The following ALMS1 variants were observed in gnomAD, a reference collection of about 807,000 sequenced individuals.
ALMS1 encodes centrosome-associated protein ALMS1.
A neutral mutation model predicts 352.2 loss-of-function variants in ALMS1; 271 were observed. The ratio of observed to expected loss-of-function variants is 0.77; its 90% CI spans 0.70 to 0.85. ALMS1 has a LOEUF of 0.85. Ranked by LOEUF, ALMS1 falls within the 40% of genes least tolerant of loss-of-function variation. ALMS1 has a pLI of 0.00. For missense variants in ALMS1, 5,445 were observed against 4,870.7 expected, an observed-to-expected ratio of 1.12 and a Z score of -3.51; for synonymous variants, 1,865 against 1,761.2, an observed-to-expected ratio of 1.06 and a Z score of -1.48.
At chr2:73,591,819 G>A (rs1675439304) in intron 16 of ALMS1, among the ~76,000 whole-genome samples, 1 of 152,166 alleles carries the variant, frequency 6.6e-6, no homozygotes. Flanking sequence ...GTTTTTCAAA[G>A]CTGATAGAAA....
At position 73,573,128 on chromosome 2, in the gene ALMS1, A is replaced by G. The variant is rs770422803; in HGVS notation, c.11251A>G (p.Thr3751Ala). 3 of 1,614,028 alleles carry G rather than the reference A, an allele frequency of 1.9e-6. No homozygotes were observed. Among genetic ancestry groups the G allele is most frequent in the Middle Eastern group, 3.3e-4 (2 of 6,062 alleles). The change falls in exon 16 of 23, where the codon ACC (threonine) becomes GCC (alanine). Residue 3751 changes from threonine to alanine, a missense_variant. Thr to Ala is a moderately conservative substitution (Grantham distance 58). Transcript: ENST00000613296. ...GAGTGAGCTGCTCACAGATACTACC[A>G]CCAACATCCTTTCCGGCACCACTTC... ...EESELLTDTT[T>A]NILSGTTSTV...
intron 15 of ALMS1, among the ~76,000 whole-genome samples, chr2:73,569,142 G>C (rs1674868519): frequency 6.6e-6 from 1 of 150,842 alleles, no homozygotes; most frequent in African/African-American, 2.4e-5. Context: ...AGCCACCACA[G>C]TAGCTGGGAT....
intron 16 of ALMS1, among the ~76,000 whole-genome samples, chr2:73,576,132 G>T (rs558558246): frequency 6.6e-6 from 1 of 152,078 alleles, no homozygotes; most frequent in African/African-American, 2.4e-5. Flanking sequence ...AGCCATATAC[G>T]TGAGGGTTTT....
chr2:73,388,910 C>T (rs1441317494), intron 1 of ALMS1, among the ~76,000 whole-genome samples: 4 of 152,068 alleles, frequency 2.6e-5, no homozygotes, highest in African/African-American at 9.7e-5. Flanking sequence ...GTGTGCCTGG[C>T]TCAGATGTCT....
intron 1 of ALMS1, among the ~76,000 whole-genome samples, chr2:73,400,881 G>A (rs933631222): frequency 6.6e-6 from 1 of 152,062 alleles, no homozygotes; most frequent in African/African-American, 2.4e-5. Context: ...CTGCCTCCTG[G>A]GTTCAAGCGA....
At chr2:73,536,265 T>C (rs1426823544) in intron 12 of ALMS1, among the ~76,000 whole-genome samples, 1 of 152,192 alleles carries the variant, frequency 6.6e-6, no homozygotes, top group Non-Finnish European at 1.5e-5. Flanking sequence ...GTGCCAGTAC[T>C]TTCTGAGGCC....
At chr2:73,445,063 A>C (rs1245738178) in intron 7 of ALMS1, among the ~76,000 whole-genome samples, 5 of 152,058 alleles carry the variant, frequency 3.3e-5, no homozygotes, top group Admixed American at 3.3e-4. Flanking sequence ...TACACACAAT[A>C]GGTGCTTTTG....
chr2:73,482,127 G>T (rs2103868203), intron 9 of ALMS1, among the ~76,000 whole-genome samples: 1 of 152,320 alleles, frequency 6.6e-6, no homozygotes, highest in South Asian at 2.1e-4. Context: ...GAATAGGAGT[G>T]GTGAGAGAGG....
chr2:73,427,864 T>C (rs1037834369), intron 6 of ALMS1, among the ~76,000 whole-genome samples: 3 of 152,212 alleles, frequency 2.0e-5, no homozygotes, highest in African/African-American at 7.2e-5. Context: ...TACAGTTAGA[T>C]AAAATAGTGA....
Position 73,451,940 on chromosome 2 carries a change from T to C in ALMS1, c.5413T>C (p.Ser1805Pro). 2 of 1,614,070 alleles carry C rather than the reference T, an allele frequency of 1.2e-6. No homozygotes were observed. Among genetic ancestry groups the C allele is most frequent in the Non-Finnish European group, 1.7e-6 (2 of 1,179,990 alleles). Residue 1805 changes from serine to proline, a missense_variant, in exon 8 of 23, where the codon TCC becomes CCC. Coordinates refer to ENST00000613296, the MANE Select transcript of ALMS1 (RefSeq NM_001378454.1). ...TGGGGTATCAACAGTAACCTCTACT[T>C]CCTACTCACACAGAGAGAAGCCCAT... is the stretch of plus-strand genomic sequence containing the variant. Reference protein sequence around the residue: ...KTGVSTVTSTSYSHREKPIVS... With the variant: ...KTGVSTVTSTPYSHREKPIVS...
intron 16 of ALMS1, among the ~76,000 whole-genome samples, chr2:73,586,173 G>T (rs1675307504): frequency 2.0e-5 from 3 of 152,192 alleles, no homozygotes. Context: ...CTGCATATTA[G>T]TCCGTTGTCG....
intron 16 of ALMS1, among the ~76,000 whole-genome samples, chr2:73,599,080 G>T (rs546777084): frequency 6.6e-6 from 1 of 152,120 alleles, no homozygotes; most frequent in Non-Finnish European, 1.5e-5. Context: ...ATTATGTGCA[G>T]GTGTCACTTC....
Position 73,561,578 on chromosome 2 carries a change from G to C in ALMS1, c.10384+2436G>C, listed in dbSNP as rs1281132064. Among the ~76,000 whole-genome samples, 3 of 151,674 alleles carry C rather than the reference G, an allele frequency of 2.0e-5. No homozygotes were observed. The East Asian group carries it at 5.8e-4, about 29-fold the overall frequency. ...ATAGTGATTGCCCAGGCTTGTGAGA[G>C]GGTGGACAGAGAATTAGTGTTTAGT... On this transcript the variant is annotated intron_variant, in intron 15 of 22. Coordinates refer to ENST00000613296, the MANE Select transcript of ALMS1 (RefSeq NM_001378454.1).
chr2:73,490,282 A>G lies in ALMS1; in HGVS notation c.8323A>G (p.Lys2775Glu), dbSNP rs1572969570. The change falls in exon 10 of 23, where the codon AAA becomes GAA. Residue 2775 changes from lysine to glutamate, a missense_variant. Lys to Glu is a moderately conservative substitution (Grantham distance 56, BLOSUM62 1). Coordinates refer to ENST00000613296, the MANE Select transcript of ALMS1 (RefSeq NM_001378454.1). ...KQKTSSPSSF[K>E]MHSNSQDKEV... The stretch of plus-strand genomic sequence containing the variant: ...GAAAACCTCTTCCCCTTCATCATTT[A>G]AAATGCATAGTAATTCACAAGATAA... 6.2e-6 allele frequency: 10 copies of G among 1,613,712 alleles called. No individual in the cohort carries two copies. Among genetic ancestry groups the G allele is most frequent in the Non-Finnish European group, 8.5e-6 (10 of 1,179,890 alleles).
chr2:73,548,235 G>A (rs928663349), intron 12 of ALMS1, among the ~76,000 whole-genome samples: 2 of 152,146 alleles, frequency 1.3e-5, no homozygotes, highest in Non-Finnish European at 2.9e-5. Context: ...ATACTTTTAT[G>A]AAAACATACA....
At chr2:73,580,118 TC>T (rs1573036539) in intron 16 of ALMS1, among the ~76,000 whole-genome samples, 1 of 152,128 alleles carries the variant, frequency 6.6e-6, no homozygotes, top group East Asian at 1.9e-4. Flanking sequence ...TTTCACACTA[TC>T]CCAGACTGGA....
chr2:73,463,394 T>A (rs1672253452), intron 9 of ALMS1, among the ~76,000 whole-genome samples: 1 of 151,000 alleles, frequency 6.6e-6, no homozygotes, highest in Non-Finnish European at 1.5e-5. Context: ...AGATGTTCTT[T>A]GAAACCAACG....
At chr2:73,512,472 A>G (rs562742411) in intron 10 of ALMS1, among the ~76,000 whole-genome samples, 2 of 151,874 alleles carry the variant, frequency 1.3e-5, no homozygotes, top group East Asian at 3.9e-4. Flanking sequence ...TTTCTCTACT[A>G]CTGACAATGA....
intron 18 of ALMS1, 78 bp downstream of exon 18, chr2:73,600,959 C>T: frequency 6.6e-7 from 1 of 1,509,454 alleles, no homozygotes; most frequent in Non-Finnish European, 9.0e-7. Context: ...TCTGTGTTTC[C>T]AAGTGACTCT....
Sources: allele counts gnomAD v4.1 joint callset (sites outside exome capture counted in the v4.1 genomes callset), GRCh38; gene constraint gnomAD v4.1.1; transcripts MANE v1.5; gene names NCBI Gene and HGNC (gene_info 2026-07-23, HGNC 2026-07-21).